The following SUGCT variants were observed in gnomAD, a reference collection of about 807,000 sequenced individuals.
SUGCT encodes the protein succinyl-CoA:glutarate-CoA transferase, also known as succinyl-CoA:glutarate CoA-transferase.
In SUGCT, 41 loss-of-function variants were observed where a neutral mutation model predicts 55.0. The observed-to-expected ratio is 0.74, with a 90% CI of 0.58 to 0.97. The LOEUF (loss-of-function observed/expected upper bound fraction) is 0.97. Among genes scored for constraint, SUGCT ranks in the 50% least tolerant of loss-of-function variants. SUGCT has a pLI of 0.00. For missense variants in SUGCT, 568 were observed against 547.8 expected, an observed-to-expected ratio of 1.04 and a Z score of -0.37; for synonymous variants, 187 against 200.4, an observed-to-expected ratio of 0.93 and a Z score of 0.56.
intron 6 of SUGCT, among the ~76,000 whole-genome samples, chr7:40,205,684 T>A (rs927437987): frequency 6.0e-5 from 9 of 150,184 alleles, no homozygotes; most frequent in Non-Finnish European, 1.2e-4. Context: ...AAATTGTTCA[T>A]CTTAGAAGAG....
intron 6 of SUGCT, among the ~76,000 whole-genome samples, chr7:40,235,328 T>C (rs1788951716): frequency 6.6e-6 from 1 of 152,146 alleles, no homozygotes; most frequent in South Asian, 2.1e-4. Context: ...AAAAAAATTT[T>C]TGTTATTTTT....
intron 11 of SUGCT, among the ~76,000 whole-genome samples, chr7:40,473,335 C>G (rs1227296326): frequency 6.6e-6 from 1 of 152,156 alleles, no homozygotes; most frequent in Non-Finnish European, 1.5e-5. Context: ...TTGGTTACGT[C>G]ATTTTTACTA....
chr7:40,375,299 G>A (rs1354866720), intron 9 of SUGCT, among the ~76,000 whole-genome samples: 2 of 152,184 alleles, frequency 1.3e-5, no homozygotes, highest in Admixed American at 6.5e-5. Flanking sequence ...ATGCAATCAA[G>A]TTTCTTTGTG....
intron 8 of SUGCT, among the ~76,000 whole-genome samples, chr7:40,295,829 C>T (rs530372575): frequency 1.3e-5 from 2 of 152,308 alleles, no homozygotes; most frequent in South Asian, 4.1e-4. Context: ...CCCAGTTCTT[C>T]TCCTTACACC....
chr7:40,854,423 T>TCTTTC (rs1794040979), intron 13 of SUGCT, among the ~76,000 whole-genome samples: 3 of 113,440 alleles, frequency 2.6e-5, no homozygotes, highest in Middle Eastern at 8.2e-3. Flanking sequence ...TTCTTTCCTT[T>TCTTTC]CTTTCTTTCT....
At chr7:40,411,095 C>T (rs1042823864) in intron 9 of SUGCT, among the ~76,000 whole-genome samples, 1 of 152,134 alleles carries the variant, frequency 6.6e-6, no homozygotes, top group East Asian at 1.9e-4. Flanking sequence ...AACACACTGT[C>T]ATAAGCCAAT....
intron 7 of SUGCT, among the ~76,000 whole-genome samples, chr7:40,272,191 T>TACACAC (rs1436815135): frequency 1.4e-5 from 1 of 71,926 alleles, no homozygotes; most frequent in Non-Finnish European, 2.7e-5. Context: ...TATATATATA[T>TACACAC]ATACAGGGTC....
At chr7:40,826,992 C>G (rs1584496883) in intron 13 of SUGCT, among the ~76,000 whole-genome samples, 1 of 152,226 alleles carries the variant, frequency 6.6e-6, no homozygotes, top group East Asian at 1.9e-4. Context: ...ACCTCCAAAT[C>G]CACTAGATTT....
intron 9 of SUGCT, among the ~76,000 whole-genome samples, chr7:40,417,093 T>G (rs976099675): frequency 2.0e-5 from 3 of 152,022 alleles, no homozygotes; most frequent in Admixed American, 1.3e-4. Flanking sequence ...GGTATATCTG[T>G]TTTTATTTTC....
chr7:40,466,601 C>T (rs371143302), intron 11 of SUGCT, among the ~76,000 whole-genome samples: 1 of 152,154 alleles, frequency 6.6e-6, no homozygotes, highest in Non-Finnish European at 1.5e-5. Context: ...TTTCTAGCAC[C>T]TATTTGGCAC....
chr7:40,863,957 G>A (rs1464895300), downstream of SUGCT, among the ~76,000 whole-genome samples: 5 of 152,102 alleles, frequency 3.3e-5, no homozygotes, highest in Admixed American at 2.6e-4. Context: ...TCAAACAGCA[G>A]TTAGGGAAAA....
intron 12 of SUGCT, among the ~76,000 whole-genome samples, chr7:40,657,635 A>C (rs981032403): frequency 2.6e-5 from 4 of 151,804 alleles, no homozygotes; most frequent in Non-Finnish European, 2.9e-5. Context: ...CCCGGGTTCA[A>C]GCGATTCTCC....
chr7:40,232,404 A>G (rs1788773029), intron 6 of SUGCT, among the ~76,000 whole-genome samples: 1 of 152,054 alleles, frequency 6.6e-6, no homozygotes, highest in African/African-American at 2.4e-5. Flanking sequence ...GGGGTTAATG[A>G]GTGGGGTTCT....
At chr7:40,215,625 G>A (rs1787579492) in intron 6 of SUGCT, among the ~76,000 whole-genome samples, 1 of 152,180 alleles carries the variant, frequency 6.6e-6, no homozygotes, top group Non-Finnish European at 1.5e-5. Flanking sequence ...CACTTTGGGA[G>A]GCTGAGGCGG....
intron 9 of SUGCT, among the ~76,000 whole-genome samples, chr7:40,423,273 A>G (rs906332790): frequency 7.2e-5 from 11 of 152,192 alleles, no homozygotes; most frequent in Non-Finnish European, 1.0e-4. Flanking sequence ...GGACTTCCAA[A>G]TACTGTGATT....
At chr7:40,378,585 A>C (rs974311413) in intron 9 of SUGCT, among the ~76,000 whole-genome samples, 1 of 151,996 alleles carries the variant, frequency 6.6e-6, no homozygotes, top group Non-Finnish European at 1.5e-5. Flanking sequence ...AGATCCTCCC[A>C]CCTCAGCCTC....
At chr7:40,591,685 A>G (rs142741509) in intron 12 of SUGCT, among the ~76,000 whole-genome samples, 45 of 152,306 alleles carry the variant, frequency 3.0e-4, no homozygotes, top group Non-Finnish European at 5.6e-4. Flanking sequence ...CAGCCACTCC[A>G]ATTTTCAGCA....
intron 12 of SUGCT, among the ~76,000 whole-genome samples, chr7:40,509,518 C>T (rs1023665301): frequency 1.3e-5 from 2 of 152,168 alleles, no homozygotes; most frequent in African/African-American, 4.8e-5. Context: ...TTACCATTGT[C>T]AGCAGAGGAT....
intron 5 of SUGCT, among the ~76,000 whole-genome samples, chr7:40,193,593 T>G (rs1215083549): frequency 6.6e-6 from 1 of 151,372 alleles, no homozygotes; most frequent in Non-Finnish European, 1.5e-5. Context: ...GCCAATTTAT[T>G]TAAAAAAGAT....
Sources: gnomAD v4.1 joint callset for allele counts (sites outside exome capture counted in the v4.1 genomes callset) on GRCh38, gnomAD v4.1.1 for gene constraint, MANE v1.5 for transcripts, NCBI Gene and HGNC (gene_info 2026-07-23, HGNC 2026-07-21) for gene names.